The following TRA2B variants were observed in gnomAD, a reference collection of about 807,000 sequenced individuals.
TRA2B encodes the protein transformer-2 protein homolog beta.
TRA2B carries 14 observed loss-of-function variants against 41.7 expected under a neutral mutation model. The ratio of observed to expected loss-of-function variants is 0.34; its 90% CI spans 0.22 to 0.53. TRA2B has a LOEUF of 0.53. Ranked by LOEUF, TRA2B falls within the 20% of genes least tolerant of loss-of-function variation. The pLI is 0.95. For missense variants in TRA2B, 167 were observed against 396.8 expected (o/e 0.42, Z 4.92); for synonymous variants, 130 against 128.8 (o/e 1.01, Z -0.06).
At chr3:185,935,843 T>C in intron 1 of TRA2B, 1 of 985,390 alleles carries the variant, frequency 1.0e-6, no homozygotes, top group Non-Finnish European at 1.2e-6. Context: ...TATGGAAGTA[T>C]TTCACAACGT....
intron 6 of TRA2B, among the ~76,000 whole-genome samples, chr3:185,920,792 G>C (rs1462007496): frequency 6.6e-6 from 1 of 152,122 alleles, no homozygotes; most frequent in Non-Finnish European, 1.5e-5. Flanking sequence ...GCCTCCTGAA[G>C]TGTTGGGATT....
intron 8 of TRA2B, 115 bp downstream of exon 8, chr3:185,918,250 G>A: frequency 2.9e-6 from 2 of 700,282 alleles, no homozygotes; most frequent in Non-Finnish European, 4.7e-6. Context: ...GATGTGTGGA[G>A]AATCATTAGG....
Position 185,917,693 on chromosome 3 carries a change from G to C in TRA2B, c.*22C>G. ...CAAACAATATCCCAGCTCTAGGGCA[G>C]GTTTCAGAAAGTCTTCATGCTTTAA... On this transcript the variant is annotated 3_prime_UTR_variant, in exon 9 of 9. Coordinates refer to ENST00000453386, the MANE Select transcript of TRA2B (RefSeq NM_004593.3). 6.2e-7 allele frequency: 1 copy of C among 1,612,732 alleles called. No individual in the cohort carries two copies.
intron 1 of TRA2B, chr3:185,935,445 A>C (rs1035730593): frequency 5.1e-6 from 5 of 985,458 alleles, no homozygotes; most frequent in Non-Finnish European, 6.0e-6. Flanking sequence ...TGAGTGATCA[A>C]ACTGAGAATA....
In TRA2B at chr3:185,936,369, TA is replaced by T. The variant is rs1049956558; in HGVS notation, c.36+1455del. On this transcript the variant is annotated intron_variant, in intron 1 of 8. Transcript: ENST00000453386. ...GAAAGCAAGAACTTAAAAAAAAATC[TA>T]AAACACTCGTGACATTGGAGTCAAT... 1.8e-5 allele frequency: 18 copies of T among 985,210 alleles called. No individual in the cohort carries two copies. The African/African-American group carries it at 2.8e-4, about 15-fold the overall frequency. The allele number at this position is 985,210 out of a possible 1,614,324, so 61.0% of individuals were successfully genotyped here. A position where few individuals can be genotyped will look rare whatever the true frequency, so the allele number is the denominator to read the frequency against.
chr3:185,932,956 A>C (rs1482775493), intron 1 of TRA2B, among the ~76,000 whole-genome samples: 1 of 152,184 alleles, frequency 6.6e-6, no homozygotes, highest in East Asian at 1.9e-4. Context: ...TTTCCTAACA[A>C]AAGGATAATT....
intron 1 of TRA2B, among the ~76,000 whole-genome samples, chr3:185,932,075 C>G (rs1352660277): frequency 6.6e-6 from 1 of 151,996 alleles, no homozygotes; most frequent in Non-Finnish European, 1.5e-5. Flanking sequence ...ACTTATCATG[C>G]TTAAGTTGAA....
At position 185,915,380 on chromosome 3, in the gene TRA2B, T is replaced by C. The variant is rs1743466565; in HGVS notation, c.*2335A>G. 1.3e-5 allele frequency among the ~76,000 whole-genome samples: 2 copies of C among 152,236 alleles called. No individual in the cohort carries two copies. Among genetic ancestry groups the C allele is most frequent in the Admixed American group, 1.3e-4 (2 of 15,282 alleles). Reference sequence around the variant, plus strand: ...ATAAAAGCCTCCAAGTCCCTTTGCCTTGAGGCAGTAACTTTAAGACTCAAA... The same window carrying C: ...ATAAAAGCCTCCAAGTCCCTTTGCCCTGAGGCAGTAACTTTAAGACTCAAA... On this transcript the variant is annotated 3_prime_UTR_variant, in exon 9 of 9. Coordinates refer to ENST00000453386, the MANE Select transcript of TRA2B (RefSeq NM_004593.3).
At chr3:185,933,817 T>C (rs1396588687) in intron 1 of TRA2B, among the ~76,000 whole-genome samples, 1 of 152,086 alleles carries the variant, frequency 6.6e-6, no homozygotes, top group East Asian at 1.9e-4. Context: ...AAATTTACAT[T>C]CATAAAACAG....
intron 1 of TRA2B, chr3:185,935,679 A>C: frequency 1.0e-6 from 1 of 985,458 alleles, no homozygotes; most frequent in Non-Finnish European, 1.2e-6. Flanking sequence ...AGCATCATTT[A>C]CACCACAGGC....
At chr3:185,931,868 A>T (rs1447318123) in intron 1 of TRA2B, 1 of 1,433,240 alleles carries the variant, frequency 7.0e-7, no homozygotes, top group Non-Finnish European at 9.1e-7. Context: ...TAGAAAAAGA[A>T]CAGGATGAAG....
At chr3:185,925,402 CTAACTT>C in intron 3 of TRA2B, 56 bp downstream of exon 3, 1 of 1,576,882 alleles carries the variant, frequency 6.3e-7, no homozygotes, top group Non-Finnish European at 8.6e-7. Flanking sequence ...AAAATCAGCT[CTAACTT>C]TAAGAAAAAG....
At chr3:185,937,156 C>T (rs1211983258) in intron 1 of TRA2B, 9 of 985,556 alleles carry the variant, frequency 9.1e-6, no homozygotes, top group African/African-American at 7.0e-5. Flanking sequence ...AAAAGCGCTT[C>T]ATTTAGGCCA....
intron 4 of TRA2B, chr3:185,922,905 C>T (rs1360570252): frequency 6.6e-6 from 1 of 152,168 alleles, no homozygotes; most frequent in Non-Finnish European, 1.5e-5. Flanking sequence ...GTGTTTACGC[C>T]CAGGCAGTTT....
chr3:185,936,390 G>C, intron 1 of TRA2B: 1 of 985,368 alleles, frequency 1.0e-6, no homozygotes, highest in Non-Finnish European at 1.2e-6. Context: ...TGACATTGGA[G>C]TCAATCGGCT....
At chr3:185,922,386 C>A (rs1377135130) in intron 4 of TRA2B, 6 of 282,942 alleles carry the variant, frequency 2.1e-5, no homozygotes, top group East Asian at 1.3e-4. Flanking sequence ...AAGCAGCACA[C>A]AATTGGCAAA....
In TRA2B at chr3:185,926,636, A is replaced by G; in HGVS notation, c.135T>C (p.Arg45=). The G allele has an allele frequency of 2.5e-6, 4 of 1,614,146 alleles. No homozygotes were observed. Among genetic ancestry groups the G allele is most frequent in the Non-Finnish European group, 3.4e-6 (4 of 1,179,992 alleles). Residue 45 remains arginine, a synonymous_variant, in exon 2 of 9, where the codon CGT becomes CGC. Transcript: ENST00000453386. ...ATCGGGACCTGGACTTTGATCTGGA[A>G]CGCCTGGAATCTTCCTTGGAGCGAG... ...ARSRSKEDSR[R]SRSKSRSRSE... is the part of the protein sequence containing the mutation.
At chr3:185,929,685 T>C (rs1288953356) in intron 1 of TRA2B, among the ~76,000 whole-genome samples, 1 of 152,146 alleles carries the variant, frequency 6.6e-6, no homozygotes, top group Non-Finnish European at 1.5e-5. Context: ...TACAAAAACA[T>C]ATTTGAAAGG....
At chr3:185,935,991 A>T (rs1744337778) in intron 1 of TRA2B, 8 of 985,438 alleles carry the variant, frequency 8.1e-6, no homozygotes, top group Non-Finnish European at 9.6e-6. Context: ...GTAAAAAGAT[A>T]ACCCATCAGA....
Sources: gnomAD v4.1 joint callset for allele counts (sites outside exome capture counted in the v4.1 genomes callset) on GRCh38, gnomAD v4.1.1 for gene constraint, MANE v1.5 for transcripts, NCBI Gene and HGNC (gene_info 2026-07-23, HGNC 2026-07-21) for gene names.